Variants in ANTXR2 observed in about 807,000 individuals in gnomAD.
ANTXR2 encodes anthrax toxin receptor 2.
In ANTXR2, 44 loss-of-function variants were observed where a neutral mutation model predicts 73.7. The ratio of observed to expected loss-of-function variants is 0.60; its 90% CI spans 0.47 to 0.77. The LOEUF is 0.77. ANTXR2 is among the 30% of genes least tolerant of loss of function. The pLI is 0.00. For synonymous variants in ANTXR2, 217 were observed against 205.9 expected (o/e 1.05, Z -0.46); for missense variants, 604 against 592.5 (o/e 1.02, Z -0.20).
chr4:79,952,400 C>T (rs1728740742), intron 16 of ANTXR2, among the ~76,000 whole-genome samples: 1 of 151,406 alleles, frequency 6.6e-6, no homozygotes, highest in Non-Finnish European at 1.5e-5. Context: ...CTAGTATTCA[C>T]TAGATTTTTT....
At chr4:80,071,741 G>T in intron 1 of ANTXR2, 87 bp from the exon 2 acceptor site, 3 of 1,055,216 alleles carry the variant, frequency 2.8e-6, no homozygotes, top group Non-Finnish European at 2.9e-6. Context: ...TCAATGCCAC[G>T]AACATAGGGG....
intron 16 of ANTXR2, among the ~76,000 whole-genome samples, chr4:79,916,736 T>G (rs1727369034): frequency 6.6e-6 from 1 of 152,052 alleles, no homozygotes; most frequent in Non-Finnish European, 1.5e-5. Flanking sequence ...TTAGAAAGAA[T>G]GAGGAAAATT....
At chr4:80,068,315 C>T (rs1364212686) in intron 3 of ANTXR2, among the ~76,000 whole-genome samples, 1 of 152,192 alleles carries the variant, frequency 6.6e-6, no homozygotes, top group South Asian at 2.1e-4. Context: ...GCTGAAACTA[C>T]AGTTCAGAAA....
intron 12 of ANTXR2, among the ~76,000 whole-genome samples, chr4:79,986,281 G>A (rs1029507040): frequency 6.6e-6 from 1 of 152,158 alleles, no homozygotes; most frequent in African/African-American, 2.4e-5. Flanking sequence ...AACTGAAAAT[G>A]TTCCAGCTTG....
At chr4:80,010,917 G>A (rs1265756034) in intron 11 of ANTXR2, among the ~76,000 whole-genome samples, 2 of 152,068 alleles carry the variant, frequency 1.3e-5, no homozygotes, top group Non-Finnish European at 2.9e-5. Flanking sequence ...GGAGGTTGAG[G>A]TGGGCGGATC....
chr4:80,032,589 A>C (rs1732748736), intron 9 of ANTXR2, among the ~76,000 whole-genome samples: 1 of 151,896 alleles, frequency 6.6e-6, no homozygotes, highest in Admixed American at 6.6e-5. Context: ...GTGTATGGCC[A>C]AAGCTGTGTT....
Position 80,072,510 on chromosome 4 carries a change from G to C in ANTXR2, c.51C>G (p.Pro17=), listed in dbSNP as rs956630751. Residue 17 remains proline (P), a synonymous_variant, in exon 1 of 17, where the codon CCC becomes CCG. Transcript: ENST00000403729. ...PARSPGSWLF[P]GLWLLVLSGP... is the part of the protein sequence containing the mutation. ...CGCTGAGCACCAACAGCCACAGCCC[G>C]GGGAACAGCCAGCTCCCGGGGCTGC... 2 of 1,604,550 alleles carry C rather than the reference G, an allele frequency of 1.2e-6. No individual in the cohort carries two copies. The highest frequency in any genetic ancestry group is 2.7e-5 in the African/African-American group (2 of 74,318).
intron 14 of ANTXR2, among the ~76,000 whole-genome samples, chr4:79,982,110 C>A (rs762584262): frequency 1.3e-5 from 2 of 152,128 alleles, no homozygotes; most frequent in Non-Finnish European, 2.9e-5. Flanking sequence ...TAACAAAAAT[C>A]TGACATATTC....
At chr4:79,911,409 TTAAC>T (rs1727130963) in intron 16 of ANTXR2, among the ~76,000 whole-genome samples, 1 of 152,024 alleles carries the variant, frequency 6.6e-6, no homozygotes, top group Admixed American at 6.6e-5. Flanking sequence ...ATAACAAAAG[TTAAC>T]TAAATGGTTT....
intron 12 of ANTXR2, among the ~76,000 whole-genome samples, chr4:79,990,231 C>A (rs75732219): frequency 9.3e-5 from 3 of 32,180 alleles, no homozygotes; most frequent in African/African-American, 1.5e-4. Context: ...ATTTAGAAAA[C>A]CCTAAATATT....
At chr4:79,977,786 G>T in intron 15 of ANTXR2, 85 bp from the exon 16 acceptor site, 1 of 1,371,654 alleles carries the variant, frequency 7.3e-7, no homozygotes, top group Non-Finnish European at 9.9e-7. Flanking sequence ...AACGAAGAAA[G>T]TAAAATCTTC....
chr4:79,915,897 T>C (rs904454672), intron 16 of ANTXR2, among the ~76,000 whole-genome samples: 1 of 149,524 alleles, frequency 6.7e-6, no homozygotes, highest in Non-Finnish European at 1.5e-5. Flanking sequence ...ATCTGTGCTA[T>C]CTTTTGCTCT....
intron 16 of ANTXR2, among the ~76,000 whole-genome samples, chr4:79,926,816 G>A (rs7687927): frequency 0.57 from 85,609 of 151,106 alleles, 24,530 homozygotes; most frequent in Non-Finnish European, 0.6. Flanking sequence ...GCCAAGATAT[G>A]GAAACAATGT....
intron 16 of ANTXR2, among the ~76,000 whole-genome samples, chr4:79,909,288 T>A (rs1334548668): frequency 6.6e-6 from 1 of 152,172 alleles, no homozygotes; most frequent in African/African-American, 2.4e-5. Flanking sequence ...ACTTGTGTTT[T>A]ATCACTTATT....
At chr4:79,979,796 T>C (rs1272717365) in intron 14 of ANTXR2, among the ~76,000 whole-genome samples, 1 of 151,964 alleles carries the variant, frequency 6.6e-6, no homozygotes, top group East Asian at 1.9e-4. Flanking sequence ...TAAATTGTAT[T>C]AAAAACTCTA....
intron 16 of ANTXR2, among the ~76,000 whole-genome samples, chr4:79,929,461 A>G (rs1426781276): frequency 6.6e-6 from 1 of 152,148 alleles, no homozygotes; most frequent in Non-Finnish European, 1.5e-5. Context: ...GCAGTGAGCC[A>G]AAATTGCGCC....
In ANTXR2 at chr4:79,907,321, T is replaced by C; in HGVS notation, c.*108A>G. 2.5e-6 allele frequency: 3 copies of C among 1,195,262 alleles called. No individual in the cohort carries two copies. The highest frequency in any genetic ancestry group is 3.7e-6 in the Non-Finnish European group (3 of 815,208). 74.0% of individuals were successfully genotyped at this position (1,195,262 alleles called of 1,614,324 possible). ...ATTTCCCGACTGAGAGGAATTAAGC[T>C]GCTCTTCCAAAAGCTTCTGAAATGC... On this transcript the variant is annotated 3_prime_UTR_variant, in exon 17 of 17. Transcript: ENST00000403729.
At chr4:79,909,505 G>T (rs1359613971) in intron 16 of ANTXR2, among the ~76,000 whole-genome samples, 1 of 150,922 alleles carries the variant, frequency 6.6e-6, no homozygotes, top group Admixed American at 6.6e-5. Flanking sequence ...TATTTCATTT[G>T]ATGTGGTTTA....
At chr4:80,024,293 T>C (rs1732313467) in intron 10 of ANTXR2, among the ~76,000 whole-genome samples, 1 of 152,170 alleles carries the variant, frequency 6.6e-6, no homozygotes, top group Admixed American at 6.5e-5. Flanking sequence ...CCTCCAAGTT[T>C]AAGGTGCCTG....
Sources: allele counts gnomAD v4.1 joint callset (sites outside exome capture counted in the v4.1 genomes callset), GRCh38; gene constraint gnomAD v4.1.1; transcripts MANE v1.5; gene names NCBI Gene and HGNC (gene_info 2026-07-23, HGNC 2026-07-21).